Variants in EFCAB13 observed in about 807,000 individuals in gnomAD.
The protein encoded by EFCAB13 is EF-hand calcium-binding domain-containing protein 13.
Under a neutral mutation model 110.2 loss-of-function variants are expected in EFCAB13, and 91 were observed. The ratio of observed to expected loss-of-function variants is 0.83; its 90% confidence interval spans 0.70 to 0.98. The LOEUF is 0.98. EFCAB13 is among the 50% of genes least tolerant of loss of function. The pLI is 0.00. For synonymous variants in EFCAB13, 323 were observed against 369.9 expected (o/e 0.87, Z 1.45); for missense variants, 968 against 1,119.4 (o/e 0.86, Z 1.93).
chr17:47,354,370 G>A (rs2065469123), intron 9 of EFCAB13, among the ~76,000 whole-genome samples: 1 of 152,168 alleles, frequency 6.6e-6, no homozygotes, highest in South Asian at 2.1e-4. Context: ...AGAATGTTCT[G>A]TAAATTTCTG....
At position 47,402,212 on chromosome 17, in the gene EFCAB13, T is replaced by C; in HGVS notation, c.2017+9T>C. The C allele has an allele frequency of 6.2e-7, 1 of 1,609,900 alleles. No homozygotes were observed. Among genetic ancestry groups the C allele is most frequent in the African/African-American group, 1.3e-5 (1 of 74,938 alleles). On this transcript the variant is annotated intron_variant, in intron 18 of 24. Coordinates refer to ENST00000331493, the MANE Select transcript of EFCAB13 (RefSeq NM_152347.5). ...TGCTGCCAGGTTAGAAGGTAAGTAC[T>C]GAATTATTTATAACGGTTAGATTTA...
At chr17:47,405,656 T>C (rs1462333101) in intron 20 of EFCAB13, among the ~76,000 whole-genome samples, 1 of 151,818 alleles carries the variant, frequency 6.6e-6, no homozygotes, top group African/African-American at 2.4e-5. Flanking sequence ...CTTCTAATTC[T>C]TTTCATTTTT....
intron 6 of EFCAB13, among the ~76,000 whole-genome samples, chr17:47,342,317 A>G (rs550717389): frequency 2.6e-5 from 4 of 151,904 alleles, no homozygotes; most frequent in African/African-American, 9.7e-5. Context: ...TTGCTTTTTT[A>G]ACAGGAACCC....
At chr17:47,424,874 C>CTCTTTTTTTTTTTTTTTTT (rs1904879736) in intron 23 of EFCAB13, among the ~76,000 whole-genome samples, 4 of 36,902 alleles carry the variant, frequency 1.1e-4, no homozygotes, top group Non-Finnish European at 2.0e-4. Context: ...GGTTGACAAT[C>CTCTTTTTTTTTTTTTTTTT]TTTTTTTTTT....
intron 8 of EFCAB13, among the ~76,000 whole-genome samples, chr17:47,346,111 C>T (rs1017159292): frequency 1.2e-4 from 18 of 152,000 alleles, no homozygotes; most frequent in Admixed American, 1.0e-3. Flanking sequence ...GTAAGTTATT[C>T]TTATCTATAG....
In EFCAB13 at chr17:47,420,675, C is replaced by G. The variant is rs1366224267; in HGVS notation, c.2494+5756C>G. Among the ~76,000 whole-genome samples, 17 of 59,560 alleles carry G rather than the reference C, an allele frequency of 2.9e-4. No homozygotes were observed. The East Asian group carries it at 7.6e-3, about 27-fold the overall frequency. 39.1% of individuals were successfully genotyped at this position (59,560 alleles called of 152,430 possible). On this transcript the variant is annotated intron_variant, in intron 23 of 24. Coordinates refer to ENST00000331493, the MANE Select transcript of EFCAB13 (RefSeq NM_152347.5). ...GAGGTGAGGAGCGTCTCTGCCCGGCCGCCCCGTCTGAGAAGTGAGGAGACC... is the reference window on the plus strand; with the variant it reads ...GAGGTGAGGAGCGTCTCTGCCCGGCGGCCCCGTCTGAGAAGTGAGGAGACC...
chr17:47,407,121 T>C lies in EFCAB13; in HGVS notation c.2233+2488T>C, dbSNP rs552312701. Among the ~76,000 whole-genome samples the C allele has an allele frequency of 2.0e-5, 3 of 152,102 alleles. No individual in the cohort carries two copies. In the East Asian group the frequency reaches 5.8e-4, roughly 29 times the overall value. ...GGATGCAGGGAAGGAAAGAGAAAAA[T>C]TGGCATTTAGGAGGAGTTATGAGGA... On this transcript the variant is annotated intron_variant, in intron 20 of 24. Transcript: ENST00000331493.
At chr17:47,433,118 A>T (rs1268521636) in intron 24 of EFCAB13, among the ~76,000 whole-genome samples, 1 of 152,122 alleles carries the variant, frequency 6.6e-6, no homozygotes, top group Admixed American at 6.6e-5. Flanking sequence ...ACAGTTTCTC[A>T]GTCTTTCCTT....
At chr17:47,390,535 T>C (rs1421991735) in intron 14 of EFCAB13, among the ~76,000 whole-genome samples, 2 of 152,212 alleles carry the variant, frequency 1.3e-5, no homozygotes, top group African/African-American at 4.8e-5. Flanking sequence ...GTTTAAATTT[T>C]GTGGAGAAAA....
intron 24 of EFCAB13, among the ~76,000 whole-genome samples, chr17:47,432,600 A>G (rs1905140439): frequency 6.6e-6 from 1 of 152,218 alleles, no homozygotes; most frequent in South Asian, 2.1e-4. Context: ...AAAAAAACAG[A>G]TAAATCATCC....
At chr17:47,437,025 C>T (rs962070271) in intron 24 of EFCAB13, among the ~76,000 whole-genome samples, 19 of 152,160 alleles carry the variant, frequency 1.2e-4, no homozygotes, top group African/African-American at 4.6e-4. Flanking sequence ...ACCCAATGCT[C>T]ATTCAGGAGC....
At chr17:47,432,974 A>C (rs1286176355) in intron 24 of EFCAB13, among the ~76,000 whole-genome samples, 1 of 152,242 alleles carries the variant, frequency 6.6e-6, no homozygotes, top group African/African-American at 2.4e-5. Flanking sequence ...ATATTGGGAC[A>C]GTACCATTCA....
At chr17:47,346,750 A>C (rs2065419038) in intron 8 of EFCAB13, among the ~76,000 whole-genome samples, 1 of 151,848 alleles carries the variant, frequency 6.6e-6, no homozygotes, top group Admixed American at 6.6e-5. Context: ...TAATCCTTTC[A>C]TTTCTTGATT....
intron 9 of EFCAB13, among the ~76,000 whole-genome samples, chr17:47,357,805 G>A (rs1312192039): frequency 1.3e-5 from 2 of 152,204 alleles, no homozygotes; most frequent in Non-Finnish European, 2.9e-5. Flanking sequence ...AATGTAAGTT[G>A]AGTTCCAGAC....
chr17:47,410,319 C>A (rs893743319), intron 21 of EFCAB13, among the ~76,000 whole-genome samples: 3 of 152,176 alleles, frequency 2.0e-5, no homozygotes, highest in Admixed American at 2.0e-4. Context: ...AACTAAATCA[C>A]TGACATTAAT....
intron 3 of EFCAB13, 69 bp from the exon 4 acceptor site, chr17:47,328,200 G>C: frequency 1.4e-6 from 1 of 734,232 alleles, no homozygotes; most frequent in Non-Finnish European, 2.4e-6. Context: ...GATAACTTCA[G>C]GTAGGTAAAT....
At chr17:47,360,017 G>A (rs2143313953) in intron 9 of EFCAB13, among the ~76,000 whole-genome samples, 1 of 151,856 alleles carries the variant, frequency 6.6e-6, no homozygotes, top group East Asian at 1.9e-4. Context: ...TCTTAATCCA[G>A]TCTATCATTG....
chr17:47,402,894 A>G (rs1287811344), intron 18 of EFCAB13, among the ~76,000 whole-genome samples: 1 of 152,240 alleles, frequency 6.6e-6, no homozygotes, highest in African/African-American at 2.4e-5. Flanking sequence ...GCCTGATAGC[A>G]GCAGCAGAAA....
rs2065285886 is a variant in EFCAB13 at position 47,326,300 on chromosome 17, A to G, written c.-173A>G. The G allele has an allele frequency of 1.3e-5, 2 of 152,290 alleles. No individual in the cohort carries two copies. Among genetic ancestry groups the G allele is most frequent in the Middle Eastern group, 3.4e-3 (1 of 294 alleles). 9.4% of individuals were successfully genotyped at this position (152,290 alleles called of 1,614,324 possible). On this transcript the variant is annotated 5_prime_UTR_variant, in exon 3 of 25. In the 5' UTR this introduces an upstream ATG that the reference lacks. Transcript: ENST00000331493. ...CCAACTTTTTGATAATCTCGTCAAT[A>G]AATTACAGAACAATTGTTCCTTTCA...
Sources: gnomAD v4.1 joint callset for allele counts (sites outside exome capture counted in the v4.1 genomes callset) on GRCh38, gnomAD v4.1.1 for gene constraint, MANE v1.5 for transcripts, NCBI Gene and HGNC (gene_info 2026-07-23, HGNC 2026-07-21) for gene names.